NCKAP5: variants seen among roughly 807,000 people sequenced by gnomAD.
NCKAP5 encodes the protein NCK associated protein 5.
NCKAP5 carries 92 observed loss-of-function variants against 167.0 expected under a neutral mutation model. The ratio of observed to expected loss-of-function variants is 0.55; its 90% CI spans 0.47 to 0.66. The LOEUF (loss-of-function observed/expected upper bound fraction) is 0.66, where lower values mean the gene tolerates loss of function less well. Among genes scored for constraint, NCKAP5 ranks in the 30% least tolerant of loss-of-function variants. NCKAP5 has a pLI of 0.00. For synonymous variants in NCKAP5, 891 were observed against 877.4 expected (o/e 1.02, Z -0.27); for missense variants, 2,378 against 2,315.0 (o/e 1.03, Z -0.56).
At chr2:133,014,821 T>C (rs1375762529) in intron 6 of NCKAP5, among the ~76,000 whole-genome samples, 1 of 152,224 alleles carries the variant, frequency 6.6e-6, no homozygotes, top group Non-Finnish European at 1.5e-5. Flanking sequence ...AACGTTCCCA[T>C]GTATAATGTT....
At chr2:132,911,709 T>G (rs536755160) in intron 8 of NCKAP5, among the ~76,000 whole-genome samples, 1 of 152,342 alleles carries the variant, frequency 6.6e-6, no homozygotes, top group South Asian at 2.1e-4. Context: ...TCCTTTGCCC[T>G]CCTATGTGAA....
At chr2:133,444,938 T>G (rs943632925) in intron 3 of NCKAP5, among the ~76,000 whole-genome samples, 68 of 152,208 alleles carry the variant, frequency 4.5e-4, no homozygotes, top group African/African-American at 1.6e-3. Context: ...TTACTTGCAT[T>G]TTAAGATCTG....
intron 2 of NCKAP5, among the ~76,000 whole-genome samples, chr2:133,536,958 T>C (rs1405663178): frequency 6.6e-6 from 1 of 152,038 alleles, no homozygotes; most frequent in Non-Finnish European, 1.5e-5. Flanking sequence ...CTATAATTCA[T>C]TTTAAGGGTT....
chr2:133,363,741 A>T (rs899021860), intron 3 of NCKAP5, among the ~76,000 whole-genome samples: 3 of 152,110 alleles, frequency 2.0e-5, no homozygotes, highest in Non-Finnish European at 2.9e-5. Flanking sequence ...CAAAAATACT[A>T]GATGGACTTT....
chr2:133,186,920 T>C (rs140612218), intron 5 of NCKAP5, among the ~76,000 whole-genome samples: 29 of 151,968 alleles, frequency 1.9e-4, no homozygotes, highest in African/African-American at 6.8e-4. Context: ...TTTCACTCTT[T>C]CTTTTTTACA....
intron 4 of NCKAP5, among the ~76,000 whole-genome samples, chr2:133,256,717 G>A (rs993715598): frequency 6.6e-6 from 1 of 152,110 alleles, no homozygotes; most frequent in Non-Finnish European, 1.5e-5. Context: ...ACAATTAATG[G>A]AAGAAATGTA....
chr2:133,476,204 T>C (rs935703605), intron 3 of NCKAP5, among the ~76,000 whole-genome samples: 7 of 152,244 alleles, frequency 4.6e-5, no homozygotes, highest in Admixed American at 1.3e-4. Flanking sequence ...GAAAATGTTA[T>C]TGTCAATGGT....
intron 8 of NCKAP5, chr2:132,926,055 G>T (rs1695857921): frequency 1.5e-5 from 3 of 198,102 alleles, no homozygotes; most frequent in South Asian, 7.3e-5. Flanking sequence ...CACCATTTTG[G>T]GTCTTCAATG....
chr2:132,938,051 TC>T (rs554449165), intron 8 of NCKAP5, among the ~76,000 whole-genome samples: 5 of 152,240 alleles, frequency 3.3e-5, no homozygotes, highest in Non-Finnish European at 7.3e-5. Flanking sequence ...GCTTTTAAGC[TC>T]CCTTTTCAAT....
At chr2:132,851,191 G>A in intron 11 of NCKAP5, among the ~76,000 whole-genome samples, 1 of 152,032 alleles carries the variant, frequency 6.6e-6, no homozygotes, top group Admixed American at 6.6e-5. Flanking sequence ...ACATTTCCTC[G>A]GTCTCTCAAG....
intron 4 of NCKAP5, among the ~76,000 whole-genome samples, chr2:133,302,790 A>T (rs1198940040): frequency 6.6e-6 from 1 of 150,982 alleles, no homozygotes; most frequent in Non-Finnish European, 1.5e-5. Flanking sequence ...ATAAAAAAAT[A>T]AAAATAAAAA....
At chr2:133,181,306 A>G (rs1389196369) in intron 5 of NCKAP5, among the ~76,000 whole-genome samples, 2 of 152,084 alleles carry the variant, frequency 1.3e-5, no homozygotes, top group Non-Finnish European at 2.9e-5. Flanking sequence ...TAAAGGATCC[A>G]CTAGAAAAGC....
chr2:133,304,066 C>T (rs1680599417), intron 3 of NCKAP5, among the ~76,000 whole-genome samples: 1 of 152,136 alleles, frequency 6.6e-6, no homozygotes, highest in Non-Finnish European at 1.5e-5. Flanking sequence ...CCCAAGAAAG[C>T]TAGAGTTCCA....
chr2:132,794,259 TATATAGAGAGAGAGAGAG>T (rs1328580613), intron 12 of NCKAP5, among the ~76,000 whole-genome samples: 10 of 31,712 alleles, frequency 3.2e-4, no homozygotes, highest in African/African-American at 9.1e-4. Context: ...TATATATATA[TATATAGAGAGAGAGAGAG>T]AGAGAGAGAG....
At position 132,878,416 on chromosome 2, in the gene NCKAP5, A is replaced by T. The variant is rs545002591; in HGVS notation, c.648+432T>A. Among the ~76,000 whole-genome samples the T allele has an allele frequency of 8.6e-5, 13 of 151,850 alleles. No homozygotes were observed. In the South Asian group the frequency reaches 2.7e-3, roughly 32 times the overall value. On this transcript the variant is annotated intron_variant, in intron 9 of 19. Transcript: ENST00000409261. ...ATCATCCCCACCCACTCTATCAAGGATTTGCTTTTTCAGAAATGGTATCCA... is the reference window on the plus strand; with the variant it reads ...ATCATCCCCACCCACTCTATCAAGGTTTTGCTTTTTCAGAAATGGTATCCA...
intron 2 of NCKAP5, among the ~76,000 whole-genome samples, chr2:133,519,333 A>G (rs2104762088): frequency 6.6e-6 from 1 of 152,374 alleles, no homozygotes; most frequent in East Asian, 1.9e-4. Context: ...AAAGTTTTCA[A>G]TATCATTTTC....
chr2:133,053,118 C>A (rs892559501), intron 6 of NCKAP5, among the ~76,000 whole-genome samples: 1 of 152,200 alleles, frequency 6.6e-6, no homozygotes, highest in Non-Finnish European at 1.5e-5. Flanking sequence ...CAAGTACCTG[C>A]TGCCCCTCCT....
At chr2:133,162,787 C>T (rs1409755996) in intron 5 of NCKAP5, among the ~76,000 whole-genome samples, 1 of 152,090 alleles carries the variant, frequency 6.6e-6, no homozygotes, top group South Asian at 2.1e-4. Context: ...GCTTTCAAAG[C>T]CACTTGTGGC....
At chr2:132,772,284 G>A (rs764609795) in intron 16 of NCKAP5, among the ~76,000 whole-genome samples, 1 of 152,028 alleles carries the variant, frequency 6.6e-6, no homozygotes, top group African/African-American at 2.4e-5. Context: ...CAGAAGACAG[G>A]GCCACTGAAA....
Sources: allele counts gnomAD v4.1 joint callset (sites outside exome capture counted in the v4.1 genomes callset), GRCh38; gene constraint gnomAD v4.1.1; transcripts MANE v1.5; gene names NCBI Gene and HGNC (gene_info 2026-07-23, HGNC 2026-07-21).